Variants in DYNC2H1 observed in about 807,000 individuals in gnomAD.
The protein encoded by DYNC2H1 is dynein cytoplasmic 2 heavy chain 1.
Under a neutral mutation model 570.0 loss-of-function variants are expected in DYNC2H1, and 410 were observed. The observed-to-expected ratio is 0.72, with a 90% confidence interval of 0.66 to 0.78. The LOEUF is 0.78. Among genes scored for constraint, DYNC2H1 ranks in the 30% least tolerant of loss-of-function variants. The probability of loss-of-function intolerance (pLI) is 0.00; values close to 1 mark genes in which losing one functional copy is unlikely to be tolerated. For synonymous variants in DYNC2H1, 1,688 were observed against 1,677.6 expected (o/e 1.01, Z -0.15); for missense variants, 4,865 against 5,046.4 (o/e 0.96, Z 1.09).
chr11:103,276,713 T>C (rs1441875020), intron 70 of DYNC2H1, among the ~76,000 whole-genome samples: 3 of 152,124 alleles, frequency 2.0e-5, no homozygotes, highest in Non-Finnish European at 4.4e-5. Context: ...AAATGGATTA[T>C]GCTGTATATA....
At position 103,192,225 on chromosome 11, in the gene DYNC2H1, C is replaced by G; in HGVS notation, c.7669C>G (p.Gln2557Glu). Residue 2557 changes from glutamine to glutamate, a missense_variant, in exon 47 of 89, where the codon CAA (glutamine) becomes GAA (glutamate). This residue lies in a region of DYNC2H1 where 2,401 missense variants were observed against 2,454.6 expected (regional missense o/e 0.98). Transcript: ENST00000375735. ...LFDIILTSVFQGDWGSDILDN... is the reference protein window; with the variant it reads ...LFDIILTSVFEGDWGSDILDN... ...TGACATCATTTTAACATCAGTGTTTCAAGGAGATTGGGGCTCAGACATATT... is the reference window on the plus strand; with the variant it reads ...TGACATCATTTTAACATCAGTGTTTGAAGGAGATTGGGGCTCAGACATATT... The G allele has an allele frequency of 6.3e-7, 1 of 1,586,328 alleles. No individual in the cohort carries two copies. Among genetic ancestry groups the G allele is most frequent in the Non-Finnish European group, 8.6e-7 (1 of 1,162,722 alleles).
At chr11:103,441,773 ATC>A (rs1432519756) in intron 85 of DYNC2H1, among the ~76,000 whole-genome samples, 52 of 152,240 alleles carry the variant, frequency 3.4e-4, no homozygotes, top group African/African-American at 1.2e-3. Context: ...TATTTCCACA[ATC>A]TATCATTTGA....
intron 82 of DYNC2H1, among the ~76,000 whole-genome samples, chr11:103,340,588 T>G (rs11225730): frequency 0.068 from 10,362 of 152,254 alleles, 370 homozygotes; most frequent in Non-Finnish European, 0.076. Context: ...TTCTTCAGTA[T>G]TATTCAAAGG....
At chr11:103,135,005 T>C (rs1347317767) in intron 15 of DYNC2H1, among the ~76,000 whole-genome samples, 2 of 152,090 alleles carry the variant, frequency 1.3e-5, no homozygotes, top group African/African-American at 4.8e-5. Flanking sequence ...ACTACTAGAA[T>C]GGATATATTT....
chr11:103,479,035 T>C lies in DYNC2H1; in HGVS notation c.12766-60T>C, dbSNP rs561833958. The C allele has an allele frequency of 3.8e-6, 6 of 1,566,272 alleles. No individual in the cohort carries two copies. The Admixed American group carries it at 6.8e-5, about 18-fold the overall frequency. ...TAATATGTTTGTTTCCTTGGTTATC[T>C]AATAATCTGTTTCCAAATAGTGTAT... On this transcript the variant is annotated intron_variant, in intron 88 of 88. Coordinates refer to ENST00000375735, the MANE Select transcript of DYNC2H1 (RefSeq NM_001377.3).
chr11:103,169,082 A>G (rs1407825018), intron 32 of DYNC2H1, 122 bp downstream of exon 32: 12 of 925,310 alleles, frequency 1.3e-5, no homozygotes, highest in African/African-American at 1.7e-5. Context: ...TTTTAGTATT[A>G]TTGTCTTGTT....
rs747695606 is a variant in DYNC2H1 at position 103,109,738 on chromosome 11, G to T, written c.164G>T (p.Arg55Leu). 1 of 1,613,740 alleles carries T rather than the reference G, an allele frequency of 6.2e-7. No homozygotes were observed. The highest frequency in any genetic ancestry group is 8.5e-7 in the Non-Finnish European group (1 of 1,179,806). ...AACCAGATGCTCCTCAGGGTGCAGCGATCCGACGCAGGAATCTCCTTTTCC... is the reference window on the plus strand; with the variant it reads ...AACCAGATGCTCCTCAGGGTGCAGCTATCCGACGCAGGAATCTCCTTTTCC... The part of the protein sequence containing the change: ...DGNQMLLRVQ[R>L]SDAGISFSNT... Residue 55 changes from arginine (R) to leucine (L), a missense_variant, in exon 1 of 89, where the codon CGA (arginine) becomes CTA (leucine). Arg to Leu is a moderately radical substitution (Grantham distance 102). Transcript: ENST00000375735.
chr11:103,316,096 A>G (rs928478342), intron 79 of DYNC2H1, among the ~76,000 whole-genome samples: 1 of 151,974 alleles, frequency 6.6e-6, no homozygotes, highest in Non-Finnish European at 1.5e-5. Flanking sequence ...ATATAATTTT[A>G]TTTAGTTCTG....
intron 88 of DYNC2H1, among the ~76,000 whole-genome samples, chr11:103,475,434 A>G (rs1945520544): frequency 6.6e-6 from 1 of 152,220 alleles, no homozygotes; most frequent in Admixed American, 6.5e-5. Flanking sequence ...ATAATAATTT[A>G]ATTCAGTTAA....
intron 72 of DYNC2H1, among the ~76,000 whole-genome samples, chr11:103,282,755 C>T (rs1306685148): frequency 6.6e-6 from 1 of 151,898 alleles, no homozygotes; most frequent in Non-Finnish European, 1.5e-5. Flanking sequence ...TTCCTCATGA[C>T]ATTTGAGTTT....
intron 87 of DYNC2H1, among the ~76,000 whole-genome samples, chr11:103,459,877 G>A (rs938718164): frequency 3.3e-5 from 5 of 149,384 alleles, no homozygotes; most frequent in African/African-American, 7.5e-5. Context: ...GCGTGAACCC[G>A]GGAAGCGGAG....
Position 103,199,365 on chromosome 11 carries a change from A to G in DYNC2H1, c.7977A>G (p.Val2659=), listed in dbSNP as rs1254427951. 6.2e-7 allele frequency: 1 copy of G among 1,612,532 alleles called. No individual in the cohort carries two copies. Among genetic ancestry groups the G allele is most frequent in the South Asian group, 1.1e-5 (1 of 91,000 alleles). ...GSLLLAGRSG[V]GRRTITSLVS... ...TTCTATTAGCAGGACGCAGTGGTGT[A>G]GGTCGTCGGACCATCACTTCTTTAG... Residue 2659 remains valine, a synonymous_variant, in exon 49 of 89, where the codon GTA becomes GTG. Transcript: ENST00000375735. The surrounding 1 kb of genome is among the most constrained non-coding windows in gnomAD (Gnocchi z 4.6).
intron 10 of DYNC2H1, 83 bp from the exon 11 acceptor site, chr11:103,122,742 A>G: frequency 8.7e-7 from 1 of 1,144,380 alleles, no homozygotes; most frequent in Admixed American, 2.6e-5. Context: ...TCTGAATCAC[A>G]GATCAGAGAA....
chr11:103,460,926 A>T (rs1200246284), intron 87 of DYNC2H1, among the ~76,000 whole-genome samples: 3 of 152,164 alleles, frequency 2.0e-5, no homozygotes, highest in Non-Finnish European at 2.9e-5. Flanking sequence ...AGTAACATAA[A>T]TAAGCATGGT....
In DYNC2H1 at chr11:103,202,493, A is replaced by G. The variant is rs556883564; in HGVS notation, c.8198-1170A>G. ...TTCAAATTCTTATTCCCTAATGTGT[A>G]TAATATATAGATAGAGCTGACATTT... On this transcript the variant is annotated intron_variant, in intron 50 of 88. Coordinates refer to ENST00000375735, the MANE Select transcript of DYNC2H1 (RefSeq NM_001377.3). Among the ~76,000 whole-genome samples the G allele has an allele frequency of 2.6e-5, 4 of 152,168 alleles. No individual in the cohort carries two copies. The South Asian group carries it at 8.3e-4, about 32-fold the overall frequency.
At chr11:103,358,163 CT>C in intron 82 of DYNC2H1, 79 bp from the exon 83 acceptor site, 2 of 719,512 alleles carry the variant, frequency 2.8e-6, no homozygotes, top group Non-Finnish European at 4.3e-6. Context: ...AACAAAATGT[CT>C]GTTTTTGTAC....
chr11:103,179,688 A>C (rs969111008), intron 39 of DYNC2H1, among the ~76,000 whole-genome samples: 1 of 151,720 alleles, frequency 6.6e-6, no homozygotes, highest in Non-Finnish European at 1.5e-5. Flanking sequence ...AGGTCCAATG[A>C]CCCAGTCTTT....
chr11:103,368,190 A>AGT (rs1169703184), intron 83 of DYNC2H1, among the ~76,000 whole-genome samples: 1 of 152,216 alleles, frequency 6.6e-6, no homozygotes. Context: ...CTTTTAAAAT[A>AGT]ATAGCTATAC....
chr11:103,148,538 T>C lies in DYNC2H1; in HGVS notation c.2867T>C (p.Leu956Ser), dbSNP rs927002665. ...TTTGTTACTGAGGCTATGGAAGTCT[T>C]AACAATTATGCCCCAGTCTGTGGAA... ...DTFVTEAMEV[L>S]TIMPQSVEEI... is the part of the protein sequence containing the mutation. Residue 956 changes from leucine to serine, a missense_variant, in exon 20 of 89, where the codon TTA becomes TCA. By Grantham distance (145) the Leu-to-Ser change is moderately radical. Transcript: ENST00000375735. 3.8e-6 allele frequency: 6 copies of C among 1,566,118 alleles called. No homozygotes were observed. The African/African-American group carries it at 4.1e-5, about 11-fold the overall frequency.
Sources: gnomAD v4.1 joint callset for allele counts (sites outside exome capture counted in the v4.1 genomes callset) on GRCh38, gnomAD v4.1.1 for gene constraint, gnomAD v4.1.1 regional missense constraint, Gnocchi (gnomAD v3.1) non-coding constraint, MANE v1.5 for transcripts, NCBI Gene and HGNC (gene_info 2026-07-23, HGNC 2026-07-21) for gene names.